Variants in NALF1 observed in about 807,000 individuals in gnomAD.
NALF1 encodes NALCN channel auxiliary factor 1, also known as family with sequence similarity 155 member A.
Under a neutral mutation model 48.4 loss-of-function variants are expected in NALF1, and 3 were observed. The observed-to-expected ratio is 0.06, with a 90% CI of 0.03 to 0.16. NALF1 has a LOEUF of 0.16. Ranked by LOEUF, NALF1 falls within the 10% of genes least tolerant of loss-of-function variation. NALF1 has a pLI of 1.00. For synonymous variants in NALF1, 262 were observed against 245.7 expected (o/e 1.07, Z -0.62); for missense variants, 526 against 571.5 (o/e 0.92, Z 0.81).
Position 107,707,048 on chromosome 13 carries a change from A to G in NALF1, c.915+158634T>C, listed in dbSNP as rs796961070. Among the ~76,000 whole-genome samples, 641 of 142,042 alleles carry G rather than the reference A, an allele frequency of 4.5e-3. 6 individuals carry two copies. The highest frequency in any genetic ancestry group is 0.015 in the African/African-American group (578 of 38,124). 93.2% of individuals were successfully genotyped at this position (142,042 alleles called of 152,430 possible). ...CGCCATTCTCCTGCCTCAGCCTCCC[A>G]AGTAGCTGGGACTACAGGCGCCCGC... On this transcript the variant is annotated intron_variant, in intron 1 of 2. Transcript: ENST00000375915.
At chr13:107,674,647 C>T (rs1307198281) in intron 1 of NALF1, among the ~76,000 whole-genome samples, 1 of 152,166 alleles carries the variant, frequency 6.6e-6, no homozygotes, top group African/African-American at 2.4e-5. Flanking sequence ...ATTAAGGAAA[C>T]AATCACACAT....
chr13:107,802,264 G>A (rs1189904712), intron 1 of NALF1, among the ~76,000 whole-genome samples: 1 of 152,104 alleles, frequency 6.6e-6, no homozygotes, highest in Non-Finnish European at 1.5e-5. Flanking sequence ...TTAGTTTGCT[G>A]TGTAGATACC....
chr13:107,397,375 T>A (rs1308492975), intron 1 of NALF1, among the ~76,000 whole-genome samples: 3 of 152,158 alleles, frequency 2.0e-5, no homozygotes, highest in Non-Finnish European at 2.9e-5. Context: ...TAAAACTGCA[T>A]GCACAAAATG....
intron 1 of NALF1, among the ~76,000 whole-genome samples, chr13:107,333,870 G>A (rs546102412): frequency 7.2e-4 from 109 of 152,226 alleles, no homozygotes; most frequent in African/African-American, 2.5e-3. Context: ...TATTTTCCTT[G>A]CTATTCACAA....
chr13:107,273,931 G>C (rs896989746), intron 1 of NALF1, among the ~76,000 whole-genome samples: 3 of 152,122 alleles, frequency 2.0e-5, no homozygotes, highest in African/African-American at 4.8e-5. Context: ...GCTGGGGAGA[G>C]GAATCGTCAT....
intron 1 of NALF1, among the ~76,000 whole-genome samples, chr13:107,213,252 A>G (rs1203061935): frequency 7.1e-6 from 1 of 140,234 alleles, no homozygotes; most frequent in Non-Finnish European, 1.6e-5. Flanking sequence ...AAAAAAAAAG[A>G]AAAGAAAAAG....
intron 2 of NALF1, among the ~76,000 whole-genome samples, chr13:107,184,922 G>A (rs1334978845): frequency 6.6e-6 from 1 of 152,096 alleles, no homozygotes; most frequent in Non-Finnish European, 1.5e-5. Flanking sequence ...TTGGAAATAG[G>A]GTCTTTACAG....
At chr13:107,559,139 C>G (rs1208997161) in intron 1 of NALF1, among the ~76,000 whole-genome samples, 1 of 152,150 alleles carries the variant, frequency 6.6e-6, no homozygotes, top group Non-Finnish European at 1.5e-5. Context: ...AATACACACC[C>G]CATGTGGAGG....
chr13:107,408,083 G>A (rs888354145), intron 1 of NALF1, among the ~76,000 whole-genome samples: 17 of 151,890 alleles, frequency 1.1e-4, no homozygotes, highest in Admixed American at 3.9e-4. Flanking sequence ...GGAGATAGAC[G>A]GTAGAAAGAT....
intron 1 of NALF1, among the ~76,000 whole-genome samples, chr13:107,667,405 A>G (rs1880887036): frequency 6.6e-6 from 1 of 152,094 alleles, no homozygotes. Flanking sequence ...ATTTTAAAAT[A>G]CAAGTCAAAA....
intron 1 of NALF1, among the ~76,000 whole-genome samples, chr13:107,529,622 A>T (rs1021198281): frequency 1.3e-5 from 2 of 152,162 alleles, no homozygotes; most frequent in Non-Finnish European, 2.9e-5. Context: ...AGCTCTTCCA[A>T]GATGGCCCCG....
chr13:107,379,869 G>A (rs901842397), intron 1 of NALF1, among the ~76,000 whole-genome samples: 4 of 152,292 alleles, frequency 2.6e-5, no homozygotes, highest in Middle Eastern at 3.4e-3. Flanking sequence ...AGATCACATG[G>A]ATTTACACTT....
chr13:107,606,035 C>G (rs557045291), intron 1 of NALF1, among the ~76,000 whole-genome samples: 1 of 152,262 alleles, frequency 6.6e-6, no homozygotes, highest in East Asian at 1.9e-4. Flanking sequence ...AAATACCCTA[C>G]AGCACACAAG....
intron 1 of NALF1, among the ~76,000 whole-genome samples, chr13:107,487,379 G>T (rs1359473457): frequency 2.6e-5 from 4 of 152,036 alleles, no homozygotes; most frequent in Admixed American, 1.3e-4. Flanking sequence ...TGTTGATAAG[G>T]TACTTACAAA....
Position 107,182,226 on chromosome 13 carries a change from C to CTGTGTGTGTGTGTGTGTG in NALF1, c.1088-11458_1088-11441dup, listed in dbSNP as rs148923366. Among the ~76,000 whole-genome samples the CTGTGTGTGTGTGTGTGTG allele has an allele frequency of 8.8e-4, 128 of 145,230 alleles. 1 individual carries two copies. Among genetic ancestry groups the CTGTGTGTGTGTGTGTGTG allele is most frequent in the African/African-American group, 3.0e-3 (114 of 38,416 alleles). On this transcript the variant is annotated intron_variant, in intron 2 of 2. Coordinates refer to ENST00000375915, the MANE Select transcript of NALF1 (RefSeq NM_001080396.3). ...GAGCATATTTATTTATTTATTTATG[C>CTGTGTGTGTGTGTGTGTG]TGTGTGTGTGTGTGTGTGTGTGTGT...
intron 1 of NALF1, among the ~76,000 whole-genome samples, chr13:107,763,294 A>G (rs906612695): frequency 1.6e-4 from 25 of 152,052 alleles, no homozygotes; most frequent in Non-Finnish European, 3.4e-4. Context: ...AATGGGTAAA[A>G]ATAGCGACTC....
chr13:107,226,690 T>C (rs16969884), intron 1 of NALF1, among the ~76,000 whole-genome samples: 5,856 of 152,286 alleles, frequency 0.038, 174 homozygotes, highest in South Asian at 0.081. Flanking sequence ...CAATGCAACA[T>C]ATTTACAAAA....
At chr13:107,228,960 C>T (rs961289040) in intron 1 of NALF1, among the ~76,000 whole-genome samples, 1 of 151,908 alleles carries the variant, frequency 6.6e-6, no homozygotes, top group African/African-American at 2.4e-5. Flanking sequence ...TTCTGCTTGT[C>T]TGCATGAAAA....
chr13:107,333,421 G>A (rs1434215683), intron 1 of NALF1, among the ~76,000 whole-genome samples: 2 of 152,120 alleles, frequency 1.3e-5, no homozygotes, highest in Non-Finnish European at 2.9e-5. Flanking sequence ...CAAAAAGGAC[G>A]CATGCTTACA....
Sources: gnomAD v4.1 joint callset for allele counts (sites outside exome capture counted in the v4.1 genomes callset) on GRCh38, gnomAD v4.1.1 for gene constraint, MANE v1.5 for transcripts, NCBI Gene and HGNC (gene_info 2026-07-23, HGNC 2026-07-21) for gene names.